Variants in DPY19L3 observed in about 807,000 individuals in gnomAD.
DPY19L3 encodes the protein protein C-mannosyl-transferase DPY19L3.
Under a neutral mutation model 92.3 loss-of-function variants are expected in DPY19L3, and 51 were observed. The ratio of observed to expected loss-of-function variants is 0.55; its 90% CI spans 0.44 to 0.70. The LOEUF (loss-of-function observed/expected upper bound fraction) is 0.70, where lower values mean the gene tolerates loss of function less well. DPY19L3 is among the 30% of genes least tolerant of loss of function. DPY19L3 has a pLI of 0.00. For synonymous variants in DPY19L3, 309 were observed against 315.2 expected (o/e 0.98, Z 0.21); for missense variants, 706 against 855.9 (o/e 0.82, Z 2.18).
chr19:32,425,104 C>A (rs1968712237), intron 3 of DPY19L3, among the ~76,000 whole-genome samples: 1 of 152,170 alleles, frequency 6.6e-6, no homozygotes, highest in South Asian at 2.1e-4. Flanking sequence ...GCCTAAATGT[C>A]TAAAACTATA....
At chr19:32,437,157 T>C in intron 5 of DPY19L3, 37 bp from the exon 6 acceptor site, 1 of 1,612,408 alleles carries the variant, frequency 6.2e-7, no homozygotes, top group Non-Finnish European at 8.5e-7. Context: ...GGGTTAGGGC[T>C]CACCTGACAA....
chr19:32,415,355 A>T (rs1034611485), intron 3 of DPY19L3, among the ~76,000 whole-genome samples: 3 of 152,208 alleles, frequency 2.0e-5, no homozygotes, highest in Non-Finnish European at 4.4e-5. Flanking sequence ...GGGAGGAAAG[A>T]TGAGTGTCCT....
rs998442515 is a variant in DPY19L3 at position 32,483,002 on chromosome 19, T to C, written c.*762T>C. The C allele has an allele frequency of 2.6e-5, 4 of 152,246 alleles. No homozygotes were observed. Among genetic ancestry groups the C allele is most frequent in the Admixed American group, 2.0e-4 (3 of 15,288 alleles). The allele number at this position is 152,246 out of a possible 1,614,324, so 9.4% of individuals were successfully genotyped here. On this transcript the variant is annotated 3_prime_UTR_variant, in exon 19 of 19. Transcript: ENST00000392250. ...TAGAATTTATTACATTTTAGTGTTA[T>C]TATTTTAAAACTTACTGATACTCTT...
intron 2 of DPY19L3, among the ~76,000 whole-genome samples, chr19:32,410,156 AT>A (rs1968127558): frequency 6.6e-6 from 1 of 152,124 alleles, no homozygotes. Flanking sequence ...CACAGTTTTG[AT>A]TTGCATTTCT....
intron 3 of DPY19L3, among the ~76,000 whole-genome samples, chr19:32,427,442 C>CT (rs1339697724): frequency 6.6e-6 from 1 of 152,146 alleles, no homozygotes; most frequent in Admixed American, 6.5e-5. Flanking sequence ...TCTTTTTAGT[C>CT]TTTTTTCCTT....
chr19:32,449,762 AACTC>A (rs1190589478), intron 8 of DPY19L3, among the ~76,000 whole-genome samples: 2 of 152,350 alleles, frequency 1.3e-5, no homozygotes, highest in East Asian at 3.9e-4. Context: ...TGTACACACT[AACTC>A]AAAGTGAATC....
At chr19:32,481,699 G>GCCA (rs1970678367) in intron 18 of DPY19L3, 1 of 157,468 alleles carries the variant, frequency 6.4e-6, no homozygotes, top group South Asian at 2.0e-4. Context: ...TCAGGCATGA[G>GCCA]CCACCACGCC....
rs1312369236 is a variant in DPY19L3 at position 32,484,927 on chromosome 19, A to G, written c.*2687A>G. 1 of 152,242 alleles carries G rather than the reference A, an allele frequency of 6.6e-6. No individual in the cohort carries two copies. The highest frequency in any genetic ancestry group is 1.5e-5 in the Non-Finnish European group (1 of 68,048). The allele number at this position is 152,242 out of a possible 1,614,324, so 9.4% of individuals were successfully genotyped here. The stretch of plus-strand genomic sequence containing the variant: ...CTGGGAATATTATAAGATATTGGGG[A>G]AAATATACAAATCAAGAAAATTTCT... On this transcript the variant is annotated 3_prime_UTR_variant, in exon 19 of 19. Transcript: ENST00000392250.
rs116615916 is a variant in DPY19L3 at position 32,474,540 on chromosome 19, C to T, written c.1698-2982C>T. ...AATACGTGATACACTAGGCTCACTA[C>T]AGCACTGGGTTATTTTGAAGTGTTT... On this transcript the variant is annotated intron_variant, in intron 16 of 18. Coordinates refer to ENST00000392250, the MANE Select transcript of DPY19L3 (RefSeq NM_001172774.2). Among the ~76,000 whole-genome samples, 483 of 152,340 alleles carry T rather than the reference C, an allele frequency of 3.2e-3. 1 individual carries two copies. The highest frequency in any genetic ancestry group is 0.01 in the African/African-American group (426 of 41,582).
chr19:32,408,312 C>T lies in DPY19L3; in HGVS notation c.59C>T (p.Pro20Leu). 6.2e-7 allele frequency: 1 copy of T among 1,613,852 alleles called. No individual in the cohort carries two copies. Among genetic ancestry groups the T allele is most frequent in the Non-Finnish European group, 8.5e-7 (1 of 1,179,970 alleles). Residue 20 changes from proline to leucine, a missense_variant, in exon 2 of 19, where the codon CCA becomes CTA. Coordinates refer to ENST00000392250, the MANE Select transcript of DPY19L3 (RefSeq NM_001172774.2). ...IRATEVSEDF[P>L]AQEENVKLEN... The stretch of plus-strand genomic sequence containing the variant: ...GCCACAGAAGTTTCTGAAGACTTTC[C>T]AGCCCAAGAAGAAAATGTGAAGTTG...
chr19:32,479,305 G>C (rs1004911734), intron 17 of DPY19L3, among the ~76,000 whole-genome samples: 1 of 152,080 alleles, frequency 6.6e-6, no homozygotes, highest in Non-Finnish European at 1.5e-5. Context: ...CCAGGCACCA[G>C]GTTCATCAGG....
At chr19:32,453,059 G>C in intron 8 of DPY19L3, 86 bp from the exon 9 acceptor site, 1 of 1,457,444 alleles carries the variant, frequency 6.9e-7, no homozygotes, top group Non-Finnish European at 9.5e-7. Flanking sequence ...TGTAAGCTGA[G>C]GTGTATCCAC....
chr19:32,464,164 A>T (rs1007451919), intron 14 of DPY19L3, among the ~76,000 whole-genome samples, 184 bp downstream of exon 14: 2 of 152,116 alleles, frequency 1.3e-5, no homozygotes, highest in African/African-American at 4.8e-5. Flanking sequence ...TTAAAAAATT[A>T]CTTTTTTCTC....
chr19:32,457,517 TTA>T (rs1969903206), intron 10 of DPY19L3, among the ~76,000 whole-genome samples: 1 of 152,220 alleles, frequency 6.6e-6, no homozygotes, highest in Non-Finnish European at 1.5e-5. Context: ...TTTTCACCAT[TTA>T]TGTTATTATA....
Position 32,447,161 on chromosome 19 carries a change from G to C in DPY19L3, c.856-5984G>C, listed in dbSNP as rs146566035. Reference sequence around the variant, plus strand: ...ATATAAAGATATACACTAAAAAAGAGTCTAAGAGGAACCTCGGAGAGCATT... The same window carrying C: ...ATATAAAGATATACACTAAAAAAGACTCTAAGAGGAACCTCGGAGAGCATT... On this transcript the variant is annotated intron_variant, in intron 8 of 18. Transcript: ENST00000392250. Among the ~76,000 whole-genome samples the C allele has an allele frequency of 8.1e-4, 124 of 152,258 alleles. 1 individual carries two copies. The East Asian group carries it at 0.022, about 27-fold the overall frequency.
intron 9 of DPY19L3, 84 bp downstream of exon 9, chr19:32,453,360 A>G (rs1219438932): frequency 1.2e-5 from 17 of 1,380,776 alleles, no homozygotes; most frequent in Non-Finnish European, 1.6e-5. Flanking sequence ...CACAGCATAC[A>G]AAGGGAAATT....
In DPY19L3 at chr19:32,482,811, A is replaced by G. The variant is rs577810896; in HGVS notation, c.*571A>G. The G allele has an allele frequency of 6.5e-6, 1 of 153,122 alleles. No individual in the cohort carries two copies. The highest frequency in any genetic ancestry group is 1.5e-5 in the Non-Finnish European group (1 of 68,610). 9.5% of individuals were successfully genotyped at this position (153,122 alleles called of 1,614,324 possible). On this transcript the variant is annotated 3_prime_UTR_variant, in exon 19 of 19. Transcript: ENST00000392250. ...AAGGCTTTGTATCAAACATTTTGTT[A>G]CACTCTGTCTGAAATGTAATGTGGA...
At chr19:32,441,902 C>T (rs141198862) in intron 8 of DPY19L3, among the ~76,000 whole-genome samples, 23 of 152,276 alleles carry the variant, frequency 1.5e-4, no homozygotes, top group African/African-American at 5.5e-4. Context: ...TAGTTCTAAA[C>T]TTTGTTCAAC....
rs114259251 is a variant in DPY19L3, at chr19:32,430,008, A to G, written c.238-2708A>G. Among the ~76,000 whole-genome samples, 396 of 152,336 alleles carry G rather than the reference A, an allele frequency of 2.6e-3. 4 individuals carry two copies. Among genetic ancestry groups the G allele is most frequent in the African/African-American group, 9.3e-3 (388 of 41,564 alleles). On this transcript the variant is annotated intron_variant, in intron 3 of 18. Coordinates refer to ENST00000392250, the MANE Select transcript of DPY19L3 (RefSeq NM_001172774.2). ...GAAGAGTTGCCTTTACTGCTATGAAAGATACAACACAAATCACTAGCAATG... is the reference window on the plus strand; with the variant it reads ...GAAGAGTTGCCTTTACTGCTATGAAGGATACAACACAAATCACTAGCAATG...
Sources: allele counts gnomAD v4.1 joint callset (sites outside exome capture counted in the v4.1 genomes callset), GRCh38; gene constraint gnomAD v4.1.1; transcripts MANE v1.5; gene names NCBI Gene and HGNC (gene_info 2026-07-23, HGNC 2026-07-21).